SDHAF3: variants seen among roughly 807,000 people sequenced by gnomAD.
SDHAF3 encodes succinate dehydrogenase complex assembly factor 3, also known as succinate dehydrogenase assembly factor 3, mitochondrial.
Under a neutral mutation model 11.5 loss-of-function variants are expected in SDHAF3, and 18 were observed. The ratio of observed to expected loss-of-function variants is 1.56; its 90% confidence interval spans 1.08 to 2.32. SDHAF3 has a LOEUF of 2.32. Among genes scored for constraint, SDHAF3 ranks in the 30% most tolerant of loss-of-function variants. The pLI, the probability that SDHAF3 is intolerant of heterozygous loss-of-function variation, is 0.00. For missense variants in SDHAF3, 200 were observed against 154.4 expected, an observed-to-expected ratio of 1.30 and a Z score of -1.57; for synonymous variants, 72 against 59.3, an observed-to-expected ratio of 1.21 and a Z score of -0.99.
chr7:97,143,649 G>A (rs1789090887), intron 1 of SDHAF3, among the ~76,000 whole-genome samples: 1 of 149,878 alleles, frequency 6.7e-6, no homozygotes, highest in South Asian at 2.1e-4. Context: ...CCTTTTTAGG[G>A]CTGAGTAGTG....
At chr7:97,128,382 C>A (rs1282148080) in intron 1 of SDHAF3, among the ~76,000 whole-genome samples, 1 of 152,042 alleles carries the variant, frequency 6.6e-6, no homozygotes, top group African/African-American at 2.4e-5. Flanking sequence ...TATAACAATG[C>A]TCATGATAAA....
chr7:97,180,695 G>A (rs1789756326), intron 1 of SDHAF3, among the ~76,000 whole-genome samples: 2 of 152,186 alleles, frequency 1.3e-5, no homozygotes, highest in African/African-American at 4.8e-5. Context: ...CCGTACTTGT[G>A]TAAATACAAT....
chr7:97,152,453 G>T (rs552879170), intron 1 of SDHAF3, among the ~76,000 whole-genome samples: 1 of 152,282 alleles, frequency 6.6e-6, no homozygotes, highest in East Asian at 1.9e-4. Context: ...TGGGTGGGAG[G>T]TCACAAGACC....
chr7:97,179,677 C>T (rs1800790856), intron 1 of SDHAF3, among the ~76,000 whole-genome samples: 1 of 152,016 alleles, frequency 6.6e-6, no homozygotes, highest in Admixed American at 6.6e-5. Flanking sequence ...TGCTGCTAAA[C>T]ATCCTGCAAT....
At chr7:97,168,145 C>T (rs1487303045) in intron 1 of SDHAF3, among the ~76,000 whole-genome samples, 3 of 152,164 alleles carry the variant, frequency 2.0e-5, no homozygotes, top group Admixed American at 6.5e-5. Flanking sequence ...CTAATGAATT[C>T]TGCCCTCATC....
intron 1 of SDHAF3, among the ~76,000 whole-genome samples, chr7:97,146,814 TCTCA>T (rs1789142282): frequency 6.8e-6 from 1 of 147,448 alleles, no homozygotes; most frequent in African/African-American, 2.5e-5. Flanking sequence ...TGAGATGGAG[TCTCA>T]CTCTGTCGCC....
chr7:97,154,432 T>G (rs534770701), intron 1 of SDHAF3, among the ~76,000 whole-genome samples: 1 of 152,348 alleles, frequency 6.6e-6, no homozygotes, highest in East Asian at 1.9e-4. Context: ...CTTTATATTG[T>G]CTTTGGTGAA....
At chr7:97,136,825 T>C (rs11972232) in intron 1 of SDHAF3, among the ~76,000 whole-genome samples, 63,808 of 152,010 alleles carry the variant, frequency 0.42, 13,797 homozygotes, top group African/African-American at 0.53. Flanking sequence ...TATTGCTCTG[T>C]GTAATACTTG....
chr7:97,177,713 C>T (rs1789702241), intron 1 of SDHAF3, among the ~76,000 whole-genome samples: 1 of 152,152 alleles, frequency 6.6e-6, no homozygotes, highest in South Asian at 2.1e-4. Flanking sequence ...CTCCAGTCTA[C>T]TATTAAGTGA....
At chr7:97,141,197 A>G (rs1789031977) in intron 1 of SDHAF3, among the ~76,000 whole-genome samples, 1 of 152,180 alleles carries the variant, frequency 6.6e-6, no homozygotes, top group Admixed American at 6.5e-5. Flanking sequence ...GTCTCCTGAT[A>G]AGATGTTATC....
At chr7:97,148,041 T>C (rs1371432552) in intron 1 of SDHAF3, among the ~76,000 whole-genome samples, 1 of 151,972 alleles carries the variant, frequency 6.6e-6, no homozygotes, top group Non-Finnish European at 1.5e-5. Flanking sequence ...GTAGCTGGGA[T>C]TACAGGCACA....
chr7:97,149,056 A>C (rs886283430), intron 1 of SDHAF3, among the ~76,000 whole-genome samples: 5 of 151,724 alleles, frequency 3.3e-5, no homozygotes, highest in African/African-American at 1.2e-4. Context: ...GCGCCTCCTG[A>C]GTAGCTGGGA....
chr7:97,149,250 T>C (rs1404782429), intron 1 of SDHAF3, among the ~76,000 whole-genome samples: 1 of 152,176 alleles, frequency 6.6e-6, no homozygotes, highest in Non-Finnish European at 1.5e-5. Flanking sequence ...TTGTGTCTTT[T>C]GATATACATT....
chr7:97,121,888 C>T (rs1440150089), intron 1 of SDHAF3, among the ~76,000 whole-genome samples: 30 of 128,914 alleles, frequency 2.3e-4, no homozygotes, highest in Non-Finnish European at 4.2e-4. Context: ...ATGGAGTCTT[C>T]GCTCTATCGC....
At chr7:97,174,953 C>T (rs1245513006) in intron 1 of SDHAF3, among the ~76,000 whole-genome samples, 1 of 152,072 alleles carries the variant, frequency 6.6e-6, no homozygotes, top group Non-Finnish European at 1.5e-5. Flanking sequence ...ACTTAGGTCT[C>T]TTGTGTTTCC....
chr7:97,136,929 T>G (rs1788927224), intron 1 of SDHAF3, among the ~76,000 whole-genome samples: 1 of 152,176 alleles, frequency 6.6e-6, no homozygotes, highest in Non-Finnish European at 1.5e-5. Flanking sequence ...AATGGTAGAT[T>G]TATACTGAAA....
intron 1 of SDHAF3, among the ~76,000 whole-genome samples, chr7:97,121,860 T>TG (rs1194791477): frequency 5.8e-5 from 8 of 136,952 alleles, no homozygotes; most frequent in African/African-American, 2.1e-4. Context: ...TTTTGTTTTT[T>TG]TTTTTTTTGT....
rs146814490 is a variant in SDHAF3, at chr7:97,174,327, A to G, written c.175-6685A>G. Among the ~76,000 whole-genome samples the G allele has an allele frequency of 2.9e-3, 447 of 152,362 alleles. 2 individuals carry two copies. Among genetic ancestry groups the G allele is most frequent in the South Asian group, 7.7e-3 (37 of 4,828 alleles). On this transcript the variant is annotated intron_variant, in intron 1 of 1. Transcript: ENST00000432641. ...AGAGTTACAGAAGAGAGTTGCAAAG[A>G]TAGTACAGATTCCCTATACCTTTCT...
At chr7:97,124,166 G>T (rs1791540332) in intron 1 of SDHAF3, among the ~76,000 whole-genome samples, 1 of 149,666 alleles carries the variant, frequency 6.7e-6, no homozygotes, top group Non-Finnish European at 1.5e-5. Context: ...TCTTGAGTTG[G>T]TTGTAAAGTG....
Sources: gnomAD v4.1 joint callset for allele counts (sites outside exome capture counted in the v4.1 genomes callset) on GRCh38, gnomAD v4.1.1 for gene constraint, MANE v1.5 for transcripts, NCBI Gene and HGNC (gene_info 2026-07-23, HGNC 2026-07-21) for gene names.